Variants in TLE4 observed in about 807,000 individuals in gnomAD.
TLE4 encodes the protein TLE family member 4, transcriptional corepressor.
A neutral mutation model predicts 92.8 loss-of-function variants in TLE4; 8 were observed. The observed-to-expected ratio is 0.09, with a 90% CI of 0.05 to 0.16. TLE4 has a LOEUF of 0.16. TLE4 is among the 10% of genes least tolerant of loss of function. TLE4 has a pLI of 1.00. For synonymous variants in TLE4, 371 were observed against 374.1 expected (o/e 0.99, Z 0.10); for missense variants, 675 against 997.6 (o/e 0.68, Z 4.36).
chr9:79,653,053 TC>T (rs1323987117), intron 7 of TLE4: 1 of 506,046 alleles, frequency 2.0e-6, no homozygotes, highest in East Asian at 4.5e-5. Context: ...CCTTCTATGT[TC>T]CCCAGGTCTA....
rs2058768191 is a variant in TLE4, at chr9:79,650,437, A to G, written c.391-2156A>G. On this transcript the variant is annotated intron_variant, in intron 6 of 19. Coordinates refer to ENST00000376552, the MANE Select transcript of TLE4 (RefSeq NM_007005.6). ...GAAAGTGGCTGTGTGTCCAAAACATACACAAGGAGTATTAGGGGAATTTAG... is the reference window on the plus strand; with the variant it reads ...GAAAGTGGCTGTGTGTCCAAAACATGCACAAGGAGTATTAGGGGAATTTAG... 2.0e-5 allele frequency among the ~76,000 whole-genome samples: 3 copies of G among 152,320 alleles called. No homozygotes were observed. The South Asian group carries it at 6.2e-4, about 32-fold the overall frequency.
intron 8 of TLE4, among the ~76,000 whole-genome samples, chr9:79,675,031 GT>G (rs1240853697): frequency 6.6e-6 from 1 of 152,082 alleles, no homozygotes; most frequent in Non-Finnish European, 1.5e-5. Flanking sequence ...AAAAAGGGTA[GT>G]TTTTGTTTGG....
chr9:79,709,729 G>A, intron 14 of TLE4, 30 bp downstream of exon 14: 1 of 1,607,878 alleles, frequency 6.2e-7, no homozygotes, highest in Non-Finnish European at 8.5e-7. Context: ...TGTGCTCATT[G>A]TGTGTCAAAC....
chr9:79,658,100 G>A (rs2060014717), intron 8 of TLE4, among the ~76,000 whole-genome samples: 1 of 152,150 alleles, frequency 6.6e-6, no homozygotes, highest in African/African-American at 2.4e-5. Flanking sequence ...TCATTGGAAT[G>A]TCTTCAAGCC....
At chr9:79,627,568 T>A (rs1190079764) in intron 6 of TLE4, 120 bp downstream of exon 6, 2 of 968,198 alleles carry the variant, frequency 2.1e-6, no homozygotes, top group African/African-American at 3.3e-5. Flanking sequence ...CAAAATGAAA[T>A]TAAGCACTTT....
intron 4 of TLE4, among the ~76,000 whole-genome samples, chr9:79,584,361 G>A (rs563645834): frequency 1.3e-5 from 2 of 152,246 alleles, no homozygotes; most frequent in South Asian, 4.1e-4. Context: ...TGCCCAAAGG[G>A]AGTCTAGGAT....
chr9:79,641,576 C>G (rs1215303217), intron 6 of TLE4, among the ~76,000 whole-genome samples: 3 of 152,196 alleles, frequency 2.0e-5, no homozygotes, highest in Non-Finnish European at 4.4e-5. Flanking sequence ...CTCTCTTGTT[C>G]TGGGTCCTCT....
intron 4 of TLE4, among the ~76,000 whole-genome samples, chr9:79,609,895 G>A (rs910751100): frequency 6.6e-6 from 1 of 152,028 alleles, no homozygotes; most frequent in Non-Finnish European, 1.5e-5. Context: ...GCAGATTAGA[G>A]CCCTGATTAA....
chr9:79,659,345 C>G (rs1346831196), intron 8 of TLE4, among the ~76,000 whole-genome samples: 1 of 152,098 alleles, frequency 6.6e-6, no homozygotes, highest in Non-Finnish European at 1.5e-5. Flanking sequence ...TTTGTATGCT[C>G]ATTTTGCTCC....
At chr9:79,666,948 C>T (rs2061495775) in intron 8 of TLE4, among the ~76,000 whole-genome samples, 2 of 152,202 alleles carry the variant, frequency 1.3e-5, no homozygotes, top group African/African-American at 4.8e-5. Context: ...AATAAATACA[C>T]CTTAGTGATA....
intron 8 of TLE4, among the ~76,000 whole-genome samples, chr9:79,678,955 C>T (rs1588145537): frequency 6.6e-6 from 1 of 152,146 alleles, no homozygotes; most frequent in East Asian, 1.9e-4. Context: ...AGGAACTCAT[C>T]ATTTTTTATG....
At chr9:79,722,839 GAA>G (rs749787758) in intron 18 of TLE4, 118 bp from the exon 19 acceptor site, 6 of 1,064,524 alleles carry the variant, frequency 5.6e-6, no homozygotes, top group Non-Finnish European at 8.1e-6. Context: ...TTTTTGAAGT[GAA>G]AGTTATTTTT....
chr9:79,708,048 CT>C, intron 11 of TLE4, 69 bp from the exon 12 acceptor site: 1 of 1,500,640 alleles, frequency 6.7e-7, no homozygotes, highest in Non-Finnish European at 9.1e-7. Flanking sequence ...TTTTCTTTAC[CT>C]TTTTACTGTT....
intron 4 of TLE4, among the ~76,000 whole-genome samples, chr9:79,603,138 C>T (rs115329562): frequency 0.027 from 4,169 of 152,206 alleles, 197 homozygotes; most frequent in African/African-American, 0.096. Flanking sequence ...GGTGAAGATG[C>T]TGTGAACACT....
chr9:79,626,725 GAAA>G (rs1190605135), intron 5 of TLE4, among the ~76,000 whole-genome samples: 1 of 151,890 alleles, frequency 6.6e-6, no homozygotes, highest in Non-Finnish European at 1.5e-5. Context: ...GTTTTTCTAA[GAAA>G]AAAAATTATC....
intron 2 of TLE4, 108 bp downstream of exon 2, chr9:79,573,894 G>C: frequency 1.3e-6 from 1 of 745,488 alleles, no homozygotes; most frequent in Non-Finnish European, 1.9e-6. Context: ...CGTCACAAAG[G>C]TATTATTTTT....
intron 6 of TLE4, among the ~76,000 whole-genome samples, chr9:79,636,290 TA>T (rs1472344492): frequency 2.0e-5 from 3 of 152,118 alleles, no homozygotes; most frequent in East Asian, 1.9e-4. Context: ...ATTTCATTTC[TA>T]AAAAATTTAA....
chr9:79,702,931 G>A (rs567130854), intron 8 of TLE4, among the ~76,000 whole-genome samples: 1 of 152,188 alleles, frequency 6.6e-6, no homozygotes, highest in African/African-American at 2.4e-5. Context: ...AGGCTCAGTG[G>A]AAATAAAATG....
Position 79,704,825 on chromosome 9 carries a change from A to C in TLE4, c.652A>C (p.Lys218Gln). ...SPSASFRGAEKHRNSADYSSE... is the reference protein window; with the variant it reads ...SPSASFRGAEQHRNSADYSSE... ...ATCAGCCAGTTTCCGAGGTGCTGAG[A>C]AGCACAGAAACTCCGCAGACTACTC... The change falls in exon 9 of 20, where the codon AAG (lysine) becomes CAG (glutamine). Residue 218 changes from lysine to glutamine, a missense_variant. Transcript: ENST00000376552. 6.2e-7 allele frequency: 1 copy of C among 1,614,214 alleles called. No individual in the cohort carries two copies. The highest frequency in any genetic ancestry group is 1.1e-5 in the South Asian group (1 of 91,084).
Sources: allele counts gnomAD v4.1 joint callset (sites outside exome capture counted in the v4.1 genomes callset), GRCh38; gene constraint gnomAD v4.1.1; transcripts MANE v1.5; gene names NCBI Gene and HGNC (gene_info 2026-07-23, HGNC 2026-07-21).